MPP7: variants seen among roughly 807,000 people sequenced by gnomAD.
The protein encoded by MPP7 is MAGUK p55 scaffold protein 7.
A neutral mutation model predicts 76.5 loss-of-function variants in MPP7; 60 were observed. The ratio of observed to expected loss-of-function variants is 0.78; its 90% CI spans 0.64 to 0.97. The LOEUF (loss-of-function observed/expected upper bound fraction) is 0.97. Among genes scored for constraint, MPP7 ranks in the 50% least tolerant of loss-of-function variants. The pLI is 0.00. For synonymous variants in MPP7, 237 were observed against 244.5 expected (o/e 0.97, Z 0.29); for missense variants, 641 against 694.0 (o/e 0.92, Z 0.86).
chr10:28,303,807 G>A (rs1841221979), upstream of MPP7, among the ~76,000 whole-genome samples: 2 of 152,132 alleles, frequency 1.3e-5, no homozygotes, highest in African/African-American at 4.8e-5. Context: ...GAAAAAACAT[G>A]AACTGGTATC....
At chr10:28,054,345 G>T (rs1232720426) in intron 16 of MPP7, 101 bp from the exon 17 acceptor site, 6 of 683,330 alleles carry the variant, frequency 8.8e-6, no homozygotes, top group East Asian at 2.8e-5. Flanking sequence ...ATGCTGTTCT[G>T]TGTTCAGTCT....
At chr10:28,329,799 G>A (rs1050932272) in intron 2 of MPP7, 1 of 152,134 alleles carries the variant, frequency 6.6e-6, no homozygotes, top group Non-Finnish European at 1.5e-5. Flanking sequence ...CTGAGGATAT[G>A]CACATTTATA....
At chr10:28,284,168 T>C (rs1025773376) in intron 1 of MPP7, among the ~76,000 whole-genome samples, 1 of 152,164 alleles carries the variant, frequency 6.6e-6, no homozygotes, top group African/African-American at 2.4e-5. Context: ...TAAAGTACTT[T>C]ACTGAGGATA....
At chr10:28,128,876 G>A (rs906615184) in intron 6 of MPP7, among the ~76,000 whole-genome samples, 3 of 152,148 alleles carry the variant, frequency 2.0e-5, no homozygotes, top group South Asian at 2.1e-4. Context: ...GCCATGGGCA[G>A]AATAAAATCA....
chr10:28,102,477 C>T (rs1300252124), intron 11 of MPP7, among the ~76,000 whole-genome samples: 1 of 152,088 alleles, frequency 6.6e-6, no homozygotes, highest in African/African-American at 2.4e-5. Flanking sequence ...ACTTTCACAC[C>T]AGTGATAGCT....
chr10:28,111,781 T>C (rs1411008649), intron 11 of MPP7, among the ~76,000 whole-genome samples: 6 of 152,168 alleles, frequency 3.9e-5, no homozygotes, highest in Non-Finnish European at 5.9e-5. Context: ...AGGATAGCAA[T>C]TTAAAAGTTA....
chr10:28,329,028 C>A (rs1443477031), intron 2 of MPP7, among the ~76,000 whole-genome samples: 1 of 152,126 alleles, frequency 6.6e-6, no homozygotes, highest in Non-Finnish European at 1.5e-5. Flanking sequence ...CTGTTCATTT[C>A]TAAAATTGCC....
At chr10:28,165,861 C>T (rs1412313716) in intron 3 of MPP7, among the ~76,000 whole-genome samples, 1 of 151,910 alleles carries the variant, frequency 6.6e-6, no homozygotes, top group Non-Finnish European at 1.5e-5. Flanking sequence ...CCCGTCTCTA[C>T]TAAAAATGCA....
At chr10:28,086,398 G>C (rs548916248) in intron 12 of MPP7, among the ~76,000 whole-genome samples, 3 of 152,276 alleles carry the variant, frequency 2.0e-5, no homozygotes, top group East Asian at 3.9e-4. Flanking sequence ...CGGGTACCAG[G>C]AACCCAAAGG....
chr10:28,118,136 C>T (rs1318679857), intron 11 of MPP7: 1 of 983,138 alleles, frequency 1.0e-6, no homozygotes, highest in Non-Finnish European at 1.2e-6. Context: ...AATCAACATA[C>T]AAAAGGACTC....
intron 3 of MPP7, among the ~76,000 whole-genome samples, chr10:28,194,755 G>A (rs140033432): frequency 8.2e-4 from 125 of 152,268 alleles, no homozygotes; most frequent in African/African-American, 2.8e-3. Context: ...ATTTGGAAAC[G>A]TAAAACTATT....
chr10:28,169,306 CA>C (rs138807572), intron 3 of MPP7, among the ~76,000 whole-genome samples: 20,102 of 151,710 alleles, frequency 0.13, 2,027 homozygotes, highest in African/African-American at 0.28. Flanking sequence ...GCCTGAGCAA[CA>C]CAACAAGACC....
chr10:28,248,201 A>C (rs1310985889), intron 1 of MPP7, among the ~76,000 whole-genome samples: 1 of 152,114 alleles, frequency 6.6e-6, no homozygotes, highest in Non-Finnish European at 1.5e-5. Context: ...TTAGACTAAC[A>C]CACCCTGGAA....
chr10:28,278,081 A>G lies in MPP7; in HGVS notation c.-132+24780T>C. 2.0e-5 allele frequency among the ~76,000 whole-genome samples: 3 copies of G among 152,260 alleles called. No individual in the cohort carries two copies. In the East Asian group the frequency reaches 5.8e-4, roughly 29 times the overall value. ...ATAAATAACAATTTTATATCCATGC[A>G]TATTTCTTAAACCAAAGAGAATATT... is the stretch of plus-strand genomic sequence containing the variant. On this transcript the variant is annotated intron_variant, in intron 1 of 16. Transcript: ENST00000683449.
chr10:28,177,969 G>T (rs1367045093), intron 3 of MPP7, among the ~76,000 whole-genome samples: 1 of 152,120 alleles, frequency 6.6e-6, no homozygotes, highest in Non-Finnish European at 1.5e-5. Flanking sequence ...TCTCTCTGAT[G>T]AAAAAACTGA....
At chr10:28,126,040 A>G (rs527682661) in intron 6 of MPP7, among the ~76,000 whole-genome samples, 1 of 152,378 alleles carries the variant, frequency 6.6e-6, no homozygotes, top group Admixed American at 6.5e-5. Flanking sequence ...CAGTTTGTCA[A>G]TAAACACATT....
chr10:28,268,807 T>C lies in MPP7; in HGVS notation c.-131-30072A>G, dbSNP rs539363485. 6.6e-4 allele frequency among the ~76,000 whole-genome samples: 100 copies of C among 150,912 alleles called. 1 individual carries two copies. The highest frequency in any genetic ancestry group is 6.9e-3 in the Middle Eastern group (2 of 288). On this transcript the variant is annotated intron_variant, in intron 1 of 16. Coordinates refer to ENST00000683449, the MANE Select transcript of MPP7 (RefSeq NM_001318170.2). Reference sequence around the variant, plus strand: ...GGTGGCAGGCACCTGTAGTACCAGCTACTCGGGAGGCTGAGGCAGGAGAAT... The same window carrying C: ...GGTGGCAGGCACCTGTAGTACCAGCCACTCGGGAGGCTGAGGCAGGAGAAT...
At chr10:28,126,870 C>A (rs1009781776) in intron 6 of MPP7, among the ~76,000 whole-genome samples, 3 of 152,174 alleles carry the variant, frequency 2.0e-5, no homozygotes, top group African/African-American at 7.2e-5. Flanking sequence ...TCTGAGGAAT[C>A]CCAAGCTAGC....
chr10:28,092,278 T>C (rs1346330781), intron 11 of MPP7, among the ~76,000 whole-genome samples: 1 of 152,186 alleles, frequency 6.6e-6, no homozygotes, highest in African/African-American at 2.4e-5. Flanking sequence ...ATAAAGGATC[T>C]AAAACAAGGA....
Sources: allele counts gnomAD v4.1 joint callset (sites outside exome capture counted in the v4.1 genomes callset), GRCh38; gene constraint gnomAD v4.1.1; transcripts MANE v1.5; gene names NCBI Gene and HGNC (gene_info 2026-07-23, HGNC 2026-07-21).